The following VAX2 variants were observed in gnomAD, a reference collection of about 807,000 sequenced individuals.
VAX2 encodes the protein ventral anterior homeobox 2.
VAX2 carries 8 observed loss-of-function variants against 12.5 expected under a neutral mutation model. That is an observed-to-expected ratio of 0.64 (90% CI 0.37 to 1.15). The LOEUF is 1.15. VAX2 is among the 50% of genes most tolerant of loss of function. The pLI is 0.01. For synonymous variants in VAX2, 183 were observed against 187.6 expected (o/e 0.98, Z 0.20); for missense variants, 476 against 412.9 (o/e 1.15, Z -1.32).
intron 1 of VAX2, among the ~76,000 whole-genome samples, chr2:70,914,407 C>T (rs1679263443): frequency 2.0e-5 from 3 of 152,184 alleles, no homozygotes; most frequent in Non-Finnish European, 2.9e-5. Context: ...ATTGATATTG[C>T]ACCACTGCAC....
At chr2:70,913,849 C>G (rs1679249843) in intron 1 of VAX2, among the ~76,000 whole-genome samples, 1 of 152,144 alleles carries the variant, frequency 6.6e-6, no homozygotes, top group South Asian at 2.1e-4. Flanking sequence ...TTATTAAATA[C>G]ATGTTGAATG....
intron 1 of VAX2, among the ~76,000 whole-genome samples, chr2:70,913,242 A>C (rs782633408): frequency 1.4e-4 from 22 of 152,216 alleles, no homozygotes; most frequent in Non-Finnish European, 2.9e-4. Context: ...CACAGTAGAA[A>C]GGGTGTGGCA....
intron 1 of VAX2, among the ~76,000 whole-genome samples, chr2:70,906,093 G>C (rs1679051400): frequency 6.6e-6 from 1 of 152,228 alleles, no homozygotes. Flanking sequence ...CCGGTTACCT[G>C]GCTGTGCATC....
intron 1 of VAX2, among the ~76,000 whole-genome samples, chr2:70,901,938 C>G (rs1273295375): frequency 2.0e-5 from 3 of 152,236 alleles, no homozygotes; most frequent in Non-Finnish European, 2.9e-5. Context: ...CGGCTTCCTC[C>G]TGCTGCCTCT....
chr2:70,911,776 T>C (rs545826364), intron 1 of VAX2, among the ~76,000 whole-genome samples: 4 of 152,328 alleles, frequency 2.6e-5, no homozygotes, highest in Admixed American at 1.3e-4. Context: ...ACTGCTTGAC[T>C]TTACTCACTG....
intron 1 of VAX2, among the ~76,000 whole-genome samples, chr2:70,919,169 G>T (rs1679384971): frequency 7.0e-6 from 1 of 143,764 alleles, no homozygotes; most frequent in South Asian, 2.2e-4. Context: ...GGGAGGCGGA[G>T]GTTGTGGTGA....
intron 1 of VAX2, among the ~76,000 whole-genome samples, chr2:70,919,166 G>A (rs113739813): frequency 1.3e-4 from 17 of 133,504 alleles, no homozygotes; most frequent in Admixed American, 3.1e-4. Context: ...CCTGGGAGGC[G>A]GAGGTTGTGG....
At chr2:70,929,418 G>A (rs782645607) in intron 2 of VAX2, among the ~76,000 whole-genome samples, 12 of 152,256 alleles carry the variant, frequency 7.9e-5, no homozygotes, top group Admixed American at 7.2e-4. Context: ...GCCTGGAGCG[G>A]TGGCTCATGC....
chr2:70,912,809 A>G (rs1417459800), intron 1 of VAX2, among the ~76,000 whole-genome samples: 1 of 152,104 alleles, frequency 6.6e-6, no homozygotes, highest in Non-Finnish European at 1.5e-5. Context: ...AGCATAAGCT[A>G]ACTACTATCA....
At chr2:70,901,802 G>A (rs1678937367) in intron 1 of VAX2, among the ~76,000 whole-genome samples, 1 of 152,196 alleles carries the variant, frequency 6.6e-6, no homozygotes, top group Admixed American at 6.5e-5. Flanking sequence ...CCGACCCCAG[G>A]CCGCGGCCAG....
intron 1 of VAX2, among the ~76,000 whole-genome samples, chr2:70,910,162 T>A (rs781930876): frequency 7.2e-5 from 11 of 152,126 alleles, no homozygotes; most frequent in Non-Finnish European, 1.5e-4. Flanking sequence ...ATGTTATGAC[T>A]TCTAGAATTT....
chr2:70,911,149 A>G (rs1485815159), intron 1 of VAX2, among the ~76,000 whole-genome samples: 2 of 152,104 alleles, frequency 1.3e-5, no homozygotes, highest in Admixed American at 6.5e-5. Context: ...ACTTGTTCCT[A>G]TGTGGTTACA....
intron 1 of VAX2, among the ~76,000 whole-genome samples, chr2:70,907,298 G>A (rs1373399793): frequency 6.6e-6 from 1 of 152,278 alleles, no homozygotes; most frequent in African/African-American, 2.4e-5. Flanking sequence ...GGCTGGAGCG[G>A]AGGTCTTGGG....
Position 70,900,728 on chromosome 2 carries a change from C to A in VAX2, c.107C>A (p.Ala36Asp). 2 of 1,417,188 alleles carry A rather than the reference C, an allele frequency of 1.4e-6. No homozygotes were observed. The highest frequency in any genetic ancestry group is 2.9e-5 in the South Asian group (2 of 68,242). 87.8% of individuals were successfully genotyped at this position (1,417,188 alleles called of 1,614,324 possible). ...CGCAGCGGAGCGGGGGACTTGCGAG[C>A]TGATGGCGGTGGCCACAGCCCAACG... ...GDRSGAGDLRADGGGHSPTEV... is the reference protein window; with the variant it reads ...GDRSGAGDLRDDGGGHSPTEV... The change falls in exon 1 of 3, where the codon GCT becomes GAT. Residue 36 changes from alanine to aspartate, a missense_variant. Transcript: ENST00000234392.
chr2:70,921,129 G>A lies in VAX2; in HGVS notation c.279G>A (p.Leu93=), dbSNP rs200929150. The A allele has an allele frequency of 5.6e-6, 9 of 1,610,388 alleles. No individual in the cohort carries two copies. Among genetic ancestry groups the A allele is most frequent in the African/African-American group, 2.7e-5 (2 of 74,876 alleles). ...AAGGGACAATTCGGGAAATTGTCCTGCCTAAGGGCCTGGACCTGGACCGGC... is the reference window on the plus strand; with the variant it reads ...AAGGGACAATTCGGGAAATTGTCCTACCTAAGGGCCTGGACCTGGACCGGC... The part of the protein sequence containing the change: ...DAKGTIREIV[L]PKGLDLDRPK... Residue 93 remains leucine, a synonymous_variant, in exon 2 of 3, where the codon CTG becomes CTA. Transcript: ENST00000234392.
chr2:70,924,512 T>C (rs1396834185), intron 2 of VAX2, among the ~76,000 whole-genome samples: 1 of 152,102 alleles, frequency 6.6e-6, no homozygotes, highest in African/African-American at 2.4e-5. Context: ...AGTATATTGT[T>C]TCCACTTTAA....
intron 1 of VAX2, among the ~76,000 whole-genome samples, chr2:70,913,342 T>C (rs1414998764): frequency 1.3e-5 from 2 of 152,240 alleles, no homozygotes; most frequent in Non-Finnish European, 1.5e-5. Flanking sequence ...TTCCCAACAC[T>C]CGTCTTTGCC....
At chr2:70,905,149 G>A (rs568328426) in intron 1 of VAX2, among the ~76,000 whole-genome samples, 1 of 152,172 alleles carries the variant, frequency 6.6e-6, no homozygotes, top group Admixed American at 6.5e-5. Flanking sequence ...TGCTGAGCAG[G>A]CGTTTAGTAA....
At chr2:70,905,481 AC>A (rs34962030) in intron 1 of VAX2, among the ~76,000 whole-genome samples, 2,382 of 146,364 alleles carry the variant, frequency 0.016, 25 homozygotes, top group Non-Finnish European at 0.026. Context: ...CATAACCCTT[AC>A]CCCCACAAAC....
Sources: gnomAD v4.1 joint callset for allele counts (sites outside exome capture counted in the v4.1 genomes callset) on GRCh38, gnomAD v4.1.1 for gene constraint, MANE v1.5 for transcripts, NCBI Gene and HGNC (gene_info 2026-07-23, HGNC 2026-07-21) for gene names.